The following ASTN2 variants were observed in gnomAD, a reference collection of about 807,000 sequenced individuals.
ASTN2 encodes the protein astrotactin-2.
A neutral mutation model predicts 139.8 loss-of-function variants in ASTN2; 54 were observed. The ratio of observed to expected loss-of-function variants is 0.39; its 90% CI spans 0.31 to 0.48. The LOEUF (loss-of-function observed/expected upper bound fraction) is 0.48, where lower values mean the gene tolerates loss of function less well. Among genes scored for constraint, ASTN2 ranks in the 20% least tolerant of loss-of-function variants. The pLI is 0.95. For missense variants in ASTN2, 1,565 were observed against 1,725.1 expected (o/e 0.91, Z 1.64); for synonymous variants, 756 against 719.5 (o/e 1.05, Z -0.81).
intron 7 of ASTN2, among the ~76,000 whole-genome samples, chr9:117,002,948 CTG>C (rs1837233854): frequency 1.3e-5 from 2 of 152,108 alleles, no homozygotes; most frequent in Non-Finnish European, 2.9e-5. Flanking sequence ...GGAATGCCAC[CTG>C]TAGGAGGAAA....
At chr9:116,806,774 A>G (rs1447150603) in intron 12 of ASTN2, among the ~76,000 whole-genome samples, 1 of 152,202 alleles carries the variant, frequency 6.6e-6, no homozygotes, top group Non-Finnish European at 1.5e-5. Context: ...CTATAAGGTC[A>G]CATGATACAT....
At chr9:116,770,814 G>T (rs913327495) in intron 13 of ASTN2, among the ~76,000 whole-genome samples, 4 of 151,988 alleles carry the variant, frequency 2.6e-5, no homozygotes, top group Non-Finnish European at 5.9e-5. Flanking sequence ...TTCTTGAGAA[G>T]GACTCTCTTG....
At position 116,425,656 on chromosome 9, in the gene ASTN2, G is replaced by A. The variant is rs748180511; in HGVS notation, c.*195C>T. 29 of 1,610,562 alleles carry A rather than the reference G, an allele frequency of 1.8e-5. No homozygotes were observed. Among genetic ancestry groups the A allele is most frequent in the Non-Finnish European group, 2.3e-5 (27 of 1,178,680 alleles). Reference sequence around the variant, plus strand: ...GAAAAAATAAAAGATAGAGAAAAATGAATAATTCCATTGGTTACAAAGGTC... The same window carrying A: ...GAAAAAATAAAAGATAGAGAAAAATAAATAATTCCATTGGTTACAAAGGTC... On this transcript the variant is annotated 3_prime_UTR_variant, in exon 23 of 23. Transcript: ENST00000313400.
intron 16 of ASTN2, among the ~76,000 whole-genome samples, chr9:116,655,687 T>C (rs771275466): frequency 3.3e-5 from 5 of 152,096 alleles, no homozygotes; most frequent in Non-Finnish European, 7.4e-5. Context: ...GCCACTAACG[T>C]ACACCAAGAT....
chr9:116,932,814 T>G (rs889802296), intron 10 of ASTN2, among the ~76,000 whole-genome samples: 8 of 151,954 alleles, frequency 5.3e-5, no homozygotes, highest in African/African-American at 1.7e-4. Flanking sequence ...GAGACCATCC[T>G]GGCCAACATG....
chr9:116,597,723 G>A (rs538207988), intron 19 of ASTN2, among the ~76,000 whole-genome samples: 98 of 152,180 alleles, frequency 6.4e-4, no homozygotes, highest in African/African-American at 2.4e-3. Flanking sequence ...GGGTGGGTAG[G>A]GGATATTGGG....
intron 22 of ASTN2, among the ~76,000 whole-genome samples, chr9:116,429,286 C>A (rs1471550630): frequency 2.2e-5 from 3 of 138,784 alleles, no homozygotes; most frequent in Non-Finnish European, 3.0e-5. Context: ...TTGCAGTGAG[C>A]CAAGATCGTG....
rs75035433 is a variant in ASTN2 at position 116,455,040 on chromosome 9, TA to T, written c.3498-12488del. 1.6e-3 allele frequency among the ~76,000 whole-genome samples: 218 copies of T among 137,074 alleles called. 1 individual carries two copies. The highest frequency in any genetic ancestry group is 3.7e-3 in the Middle Eastern group (1 of 272). 89.9% of individuals were successfully genotyped at this position (137,074 alleles called of 152,430 possible). A position where few individuals can be genotyped will look rare whatever the true frequency, so the allele number is the denominator to read the frequency against. ...TACCCTAGAAATTAAAGTATAATAATAAAAAAAAAAAAGGTTTATGGTAGGA... is the reference window on the plus strand; with the variant it reads ...TACCCTAGAAATTAAAGTATAATAATAAAAAAAAAAAGGTTTATGGTAGGA... On this transcript the variant is annotated intron_variant, in intron 20 of 22. Transcript: ENST00000313400.
chr9:116,820,800 C>A lies in ASTN2; in HGVS notation c.2041-17G>T. The A allele has an allele frequency of 6.2e-7, 1 of 1,604,978 alleles. No individual in the cohort carries two copies. Among genetic ancestry groups the A allele is most frequent in the Non-Finnish European group, 8.5e-7 (1 of 1,173,966 alleles). ...CTCAGGGCACTGCTCAGAGAGAGGGCAACAGGGTAGTTATGGCTTGGGAGG... is the reference window on the plus strand; with the variant it reads ...CTCAGGGCACTGCTCAGAGAGAGGGAAACAGGGTAGTTATGGCTTGGGAGG... On this transcript the variant is annotated splice_polypyrimidine_tract_variant and intron_variant, in intron 11 of 22. Transcript: ENST00000313400.
intron 2 of ASTN2, among the ~76,000 whole-genome samples, chr9:117,282,232 T>G (rs1834342853): frequency 6.6e-6 from 1 of 152,254 alleles, no homozygotes; most frequent in Non-Finnish European, 1.5e-5. Flanking sequence ...TAGAATAGTT[T>G]CTCAATCAAC....
At chr9:116,493,697 G>A (rs1438457048) in intron 19 of ASTN2, among the ~76,000 whole-genome samples, 1 of 152,014 alleles carries the variant, frequency 6.6e-6, no homozygotes, top group African/African-American at 2.4e-5. Flanking sequence ...TTCTGAATGA[G>A]TTGAGGTCAC....
chr9:116,823,402 TACTG>T (rs984351799), intron 11 of ASTN2, among the ~76,000 whole-genome samples: 11 of 152,336 alleles, frequency 7.2e-5, no homozygotes, highest in Middle Eastern at 6.8e-3. Flanking sequence ...TCCTGTCATT[TACTG>T]ACTGACTGAC....
At chr9:117,078,063 T>C (rs554724854) in intron 5 of ASTN2, among the ~76,000 whole-genome samples, 1 of 152,268 alleles carries the variant, frequency 6.6e-6, no homozygotes, top group East Asian at 1.9e-4. Context: ...AAAGAGTCAA[T>C]GCGCACCCTC....
At position 117,044,613 on chromosome 9, in the gene ASTN2, T is replaced by C. The variant is rs532861553; in HGVS notation, c.1277-4648A>G. Among the ~76,000 whole-genome samples the C allele has an allele frequency of 2.0e-5, 3 of 152,338 alleles. No individual in the cohort carries two copies. In the East Asian group the frequency reaches 5.8e-4, roughly 29 times the overall value. On this transcript the variant is annotated intron_variant, in intron 5 of 22. Transcript: ENST00000313400. ...ATACTCACACCCTCCCAAAGCAGGC[T>C]TCTTACTGCACTGCTGTTGTAAGAT... is the stretch of plus-strand genomic sequence containing the variant.
At chr9:117,004,634 T>A (rs1005878591) in intron 7 of ASTN2, among the ~76,000 whole-genome samples, 2 of 152,174 alleles carry the variant, frequency 1.3e-5, no homozygotes, top group Admixed American at 1.3e-4. Flanking sequence ...CCTGGACTAC[T>A]ACACTGAGCA....
intron 3 of ASTN2, among the ~76,000 whole-genome samples, chr9:117,190,640 A>G (rs1831320577): frequency 6.6e-6 from 1 of 152,032 alleles, no homozygotes; most frequent in African/African-American, 2.4e-5. Flanking sequence ...TAGTGCTCCA[A>G]TCACACTGGT....
At position 116,981,282 on chromosome 9, in the gene ASTN2, A is replaced by G. The variant is rs145952133; in HGVS notation, c.1592-4497T>C. On this transcript the variant is annotated intron_variant, in intron 7 of 22. Coordinates refer to ENST00000313400, the MANE Select transcript of ASTN2 (RefSeq NM_001365068.1). ...ACTCAATTATTGAATGAATGAATGA[A>G]TGAGTGAATTCATACATATATCATG... Among the ~76,000 whole-genome samples, 570 of 152,330 alleles carry G rather than the reference A, an allele frequency of 3.7e-3. 1 individual carries two copies. The highest frequency in any genetic ancestry group is 0.02 in the Middle Eastern group (6 of 294).
chr9:117,067,673 T>C (rs1827993354), intron 5 of ASTN2, among the ~76,000 whole-genome samples: 1 of 135,932 alleles, frequency 7.4e-6, no homozygotes, highest in Non-Finnish European at 1.6e-5. Flanking sequence ...TGTATCCTCT[T>C]TTATTTCCTT....
At chr9:117,079,082 G>T (rs1453552198) in intron 5 of ASTN2, among the ~76,000 whole-genome samples, 1 of 152,210 alleles carries the variant, frequency 6.6e-6, no homozygotes, top group African/African-American at 2.4e-5. Context: ...ATGGTCGGGT[G>T]CAGTGAATCA....
Sources: gnomAD v4.1 joint callset for allele counts (sites outside exome capture counted in the v4.1 genomes callset) on GRCh38, gnomAD v4.1.1 for gene constraint, MANE v1.5 for transcripts, NCBI Gene and HGNC (gene_info 2026-07-23, HGNC 2026-07-21) for gene names.